ZMYM2: variants seen among roughly 807,000 people sequenced by gnomAD.
ZMYM2 encodes the protein zinc finger MYM-type containing 2, also known as zinc finger MYM-type protein 2.
ZMYM2 carries 56 observed loss-of-function variants against 162.8 expected under a neutral mutation model. The ratio of observed to expected loss-of-function variants is 0.34; its 90% CI spans 0.28 to 0.43. ZMYM2 has a LOEUF of 0.43. ZMYM2 is among the 20% of genes least tolerant of loss of function. The pLI is 1.00. For missense variants in ZMYM2, 1,275 were observed against 1,621.8 expected, an observed-to-expected ratio of 0.79 and a Z score of 3.67; for synonymous variants, 510 against 541.6, an observed-to-expected ratio of 0.94 and a Z score of 0.81.
chr13:20,022,805 T>C (rs1250240212), intron 7 of ZMYM2, among the ~76,000 whole-genome samples: 1 of 152,164 alleles, frequency 6.6e-6, no homozygotes, highest in African/African-American at 2.4e-5. Flanking sequence ...TTGAGTTTTA[T>C]TGCCACTTCT....
intron 15 of ZMYM2, chr13:20,058,951 G>A (rs919344130): frequency 5.2e-6 from 3 of 582,084 alleles, no homozygotes; most frequent in Admixed American, 2.6e-5. Flanking sequence ...ATACTATCTC[G>A]AAAATTTCCT....
chr13:19,953,682 C>CAAAAA (rs35266783), upstream of ZMYM2, among the ~76,000 whole-genome samples: 91 of 75,294 alleles, frequency 1.2e-3, 1 homozygote, highest in African/African-American at 4.3e-3. Context: ...GACTCTGTCT[C>CAAAAA]AAAAAAAAAA....
the ZMYM2 span, among the ~76,000 whole-genome samples, chr13:19,866,824 G>T: frequency 9.9e-5 from 15 of 151,952 alleles, no homozygotes; most frequent in Non-Finnish European, 1.6e-4. Context: ...AGCCCAGGAG[G>T]TCAAAGCTGC....
At chr13:20,019,863 T>C (rs1321635799) in intron 7 of ZMYM2, 2 of 426,062 alleles carry the variant, frequency 4.7e-6, no homozygotes, top group Admixed American at 7.4e-5. Flanking sequence ...GAAATTATTT[T>C]CAGATTTTTT....
intron 2 of ZMYM2, among the ~76,000 whole-genome samples, chr13:19,964,908 A>C (rs1327452223): frequency 6.6e-6 from 1 of 152,188 alleles, no homozygotes; most frequent in Non-Finnish European, 1.5e-5. Context: ...CTTCATATGC[A>C]AATGTTGGGA....
At chr13:19,895,142 A>T in the ZMYM2 span, among the ~76,000 whole-genome samples, 1 of 151,630 alleles carries the variant, frequency 6.6e-6, no homozygotes, top group African/African-American at 2.4e-5. Context: ...TGTATATATA[A>T]AACAGAAAAT....
the ZMYM2 span, among the ~76,000 whole-genome samples, chr13:19,885,979 A>ACACATATATG: frequency 4.7e-4 from 16 of 34,058 alleles, 4 homozygotes; most frequent in South Asian, 1.9e-3. Flanking sequence ...ACACATATAT[A>ACACATATATG]TGTATATACA....
At chr13:19,892,722 C>T in the ZMYM2 span, among the ~76,000 whole-genome samples, 1 of 143,920 alleles carries the variant, frequency 6.9e-6, no homozygotes, top group Non-Finnish European at 1.5e-5. Context: ...TTATTTTAAC[C>T]TTTTTTTTTT....
At chr13:19,873,929 T>C in the ZMYM2 span, among the ~76,000 whole-genome samples, 1 of 152,168 alleles carries the variant, frequency 6.6e-6, no homozygotes, top group Non-Finnish European at 1.5e-5. Context: ...TTGGTTGTTA[T>C]ATAGACCAGG....
the ZMYM2 span, among the ~76,000 whole-genome samples, chr13:19,890,407 A>T: frequency 6.7e-6 from 1 of 149,118 alleles, no homozygotes; most frequent in Admixed American, 6.8e-5. Context: ...GGCTCAAGCA[A>T]TCCTCCTGCC....
chr13:20,016,880 A>C (rs1462785604), intron 6 of ZMYM2, among the ~76,000 whole-genome samples: 2 of 152,244 alleles, frequency 1.3e-5, no homozygotes, highest in African/African-American at 4.8e-5. Flanking sequence ...GTCTGTTATC[A>C]AATATGGCAA....
At chr13:19,928,016 A>G in the ZMYM2 span, among the ~76,000 whole-genome samples, 1 of 151,456 alleles carries the variant, frequency 6.6e-6, no homozygotes, top group Non-Finnish European at 1.5e-5. Flanking sequence ...TTATTTATTC[A>G]TGTTTTAGAG....
intron 11 of ZMYM2, among the ~76,000 whole-genome samples, chr13:20,034,745 C>G (rs988465597): frequency 1.3e-5 from 2 of 152,116 alleles, no homozygotes; most frequent in African/African-American, 4.8e-5. Flanking sequence ...TTTTCCCTGC[C>G]CAGCTTACTA....
At chr13:19,944,274 A>T in the ZMYM2 span, among the ~76,000 whole-genome samples, 2 of 151,922 alleles carry the variant, frequency 1.3e-5, no homozygotes, top group African/African-American at 4.8e-5. Context: ...TAAAAGTAGC[A>T]GTTAATGTGA....
chr13:19,949,079 T>G, the ZMYM2 span, among the ~76,000 whole-genome samples: 1 of 146,648 alleles, frequency 6.8e-6, no homozygotes, highest in Non-Finnish European at 1.5e-5. Flanking sequence ...CCAGCCTGGG[T>G]AACATGGCAA....
intron 3 of ZMYM2, among the ~76,000 whole-genome samples, chr13:19,999,997 T>C (rs1196323114): frequency 6.6e-6 from 1 of 152,090 alleles, no homozygotes; most frequent in Non-Finnish European, 1.5e-5. Context: ...GAGACAGGGT[T>C]TCGCTATGTT....
intron 6 of ZMYM2, among the ~76,000 whole-genome samples, chr13:20,014,762 GTTTTT>G (rs71070286): frequency 4.3e-5 from 4 of 92,820 alleles, no homozygotes; most frequent in South Asian, 4.2e-4. Flanking sequence ...TTTACTTTAG[GTTTTT>G]TTTTTTTTTT....
chr13:20,063,008 G>A (rs552748602), intron 18 of ZMYM2, 37 bp downstream of exon 18: 2 of 1,569,012 alleles, frequency 1.3e-6, no homozygotes, highest in East Asian at 2.3e-5. Flanking sequence ...ATTTAGTTAT[G>A]GAGTCAACTG....
chr13:19,949,802 G>T, the ZMYM2 span, among the ~76,000 whole-genome samples: 15 of 146,400 alleles, frequency 1.0e-4, no homozygotes, highest in South Asian at 6.5e-4. Flanking sequence ...CAGAAGACTC[G>T]CTTGAACCTG....
Sources: allele counts gnomAD v4.1 joint callset (sites outside exome capture counted in the v4.1 genomes callset), GRCh38; gene constraint gnomAD v4.1.1; transcripts MANE v1.5; gene names NCBI Gene and HGNC (gene_info 2026-07-23, HGNC 2026-07-21).